The following TTC7B variants were observed in gnomAD, a reference collection of about 807,000 sequenced individuals.
TTC7B encodes tetratricopeptide repeat protein 7B.
TTC7B carries 28 observed loss-of-function variants against 106.8 expected under a neutral mutation model. That is an observed-to-expected ratio of 0.26 (90% confidence interval 0.19 to 0.36). The LOEUF (loss-of-function observed/expected upper bound fraction) is 0.36, where lower values mean the gene tolerates loss of function less well. Among genes scored for constraint, TTC7B ranks in the 10% least tolerant of loss-of-function variants. The pLI, the probability that TTC7B is intolerant of heterozygous loss-of-function variation, is 1.00. For missense variants in TTC7B, 862 were observed against 1,076.4 expected, an observed-to-expected ratio of 0.80 and a Z score of 2.79; for synonymous variants, 405 against 430.6, an observed-to-expected ratio of 0.94 and a Z score of 0.74.
chr14:90,683,990 G>A (rs942178413), intron 7 of TTC7B, among the ~76,000 whole-genome samples: 44 of 151,830 alleles, frequency 2.9e-4, no homozygotes, highest in Non-Finnish European at 2.8e-4. Context: ...TGCCTGGCTC[G>A]GGATGTTCTG....
intron 19 of TTC7B, among the ~76,000 whole-genome samples, chr14:90,557,331 C>T (rs577156028): frequency 2.6e-5 from 4 of 152,278 alleles, no homozygotes; most frequent in Admixed American, 6.5e-5. Flanking sequence ...CAGAGGGCCA[C>T]GCTCCCACCC....
rs1052486343 is a variant in TTC7B at position 90,578,398 on chromosome 14, C to T, written c.2108-90G>A. ...CACTCTGATGTTCGTGTTCCCTGCA[C>T]GGGAGTCTGGCGGGGCGCAGAGCCA... On this transcript the variant is annotated intron_variant, in intron 18 of 19. Coordinates refer to ENST00000328459, the MANE Select transcript of TTC7B (RefSeq NM_001010854.2). The surrounding 1 kb of genome is among the most constrained non-coding windows in gnomAD (Gnocchi z 4.7). The T allele has an allele frequency of 1.6e-5, 22 of 1,389,740 alleles. No individual in the cohort carries two copies. Among genetic ancestry groups the T allele is most frequent in the East Asian group, 1.2e-4 (5 of 42,026 alleles). The allele number at this position is 1,389,740 out of a possible 1,614,324, so 86.1% of individuals were successfully genotyped here.
intron 19 of TTC7B, among the ~76,000 whole-genome samples, chr14:90,546,560 C>A (rs1415391803): frequency 2.6e-5 from 4 of 152,200 alleles, no homozygotes; most frequent in Non-Finnish European, 5.9e-5. Context: ...AGCCCTTGTC[C>A]ATCTGCCTGA....
intron 15 of TTC7B, among the ~76,000 whole-genome samples, chr14:90,626,333 C>G (rs1296018093): frequency 6.6e-6 from 1 of 152,142 alleles, no homozygotes; most frequent in South Asian, 2.1e-4. Flanking sequence ...ATTAAGCCCC[C>G]AAAGGAAGGC....
intron 5 of TTC7B, among the ~76,000 whole-genome samples, chr14:90,707,646 G>C (rs1432893913): frequency 6.6e-6 from 1 of 152,152 alleles, no homozygotes; most frequent in Non-Finnish European, 1.5e-5. Flanking sequence ...GAGCCTTATT[G>C]CTGATAGGGA....
intron 18 of TTC7B, among the ~76,000 whole-genome samples, chr14:90,588,651 G>A (rs190006568): frequency 2.0e-5 from 3 of 152,256 alleles, no homozygotes; most frequent in Admixed American, 1.3e-4. Context: ...GACTGCAAAG[G>A]TGCTCACTTC....
At chr14:90,669,603 T>C (rs559625887) in intron 9 of TTC7B, among the ~76,000 whole-genome samples, 1 of 151,144 alleles carries the variant, frequency 6.6e-6, no homozygotes, top group Non-Finnish European at 1.5e-5. Flanking sequence ...ATTTAGACTT[T>C]AAAATTGGCA....
intron 1 of TTC7B, among the ~76,000 whole-genome samples, chr14:90,809,453 A>G (rs1490817814): frequency 6.6e-6 from 1 of 152,246 alleles, no homozygotes; most frequent in African/African-American, 2.4e-5. Context: ...GGCCCAATCA[A>G]GGAGGAAAAT....
At chr14:90,728,758 G>A (rs1415391583) in intron 5 of TTC7B, among the ~76,000 whole-genome samples, 1 of 152,174 alleles carries the variant, frequency 6.6e-6, no homozygotes, top group East Asian at 1.9e-4. Flanking sequence ...ACCTCCAGGG[G>A]GATTAATTCC....
At chr14:90,662,569 A>T (rs1448775457) in intron 9 of TTC7B, among the ~76,000 whole-genome samples, 1 of 152,228 alleles carries the variant, frequency 6.6e-6, no homozygotes, top group Non-Finnish European at 1.5e-5. Context: ...ACACAACCTG[A>T]ATGGCAGCTA....
chr14:90,640,731 C>G (rs1188813291), intron 15 of TTC7B, among the ~76,000 whole-genome samples: 1 of 152,158 alleles, frequency 6.6e-6, no homozygotes, highest in East Asian at 1.9e-4. Context: ...TACGTGATTA[C>G]CAGGTACAAT....
rs2139857387 is a variant in TTC7B at position 90,624,805 on chromosome 14, A to G, written c.1752-6760T>C. Among the ~76,000 whole-genome samples, 1 of 152,358 alleles carries G rather than the reference A, an allele frequency of 6.6e-6. No homozygotes were observed. Among genetic ancestry groups the G allele is most frequent in the Non-Finnish European group, 1.5e-5 (1 of 68,042 alleles). On this transcript the variant is annotated intron_variant, in intron 15 of 19. Coordinates refer to ENST00000328459, the MANE Select transcript of TTC7B (RefSeq NM_001010854.2). The surrounding 1 kb of genome is among the most constrained non-coding windows in gnomAD (Gnocchi z 4.0). ...GCTGCAGTCTTAGTAACTGCTTTAGAGGTAACATCACGGGAACCTTGAACA... is the reference window on the plus strand; with the variant it reads ...GCTGCAGTCTTAGTAACTGCTTTAGGGGTAACATCACGGGAACCTTGAACA...
chr14:90,654,844 C>G, intron 12 of TTC7B, 149 bp downstream of exon 12: 1 of 626,492 alleles, frequency 1.6e-6, no homozygotes, highest in Non-Finnish European at 2.8e-6. Context: ...AAGAGGACAG[C>G]AGCACCAGGG....
intron 15 of TTC7B, among the ~76,000 whole-genome samples, chr14:90,643,518 A>G (rs1244064375): frequency 6.6e-6 from 1 of 151,870 alleles, no homozygotes; most frequent in Non-Finnish European, 1.5e-5. Context: ...AAGTATTTTA[A>G]AAAAATAAGG....
chr14:90,738,782 T>C (rs1290829169), intron 4 of TTC7B, among the ~76,000 whole-genome samples: 1 of 152,180 alleles, frequency 6.6e-6, no homozygotes, highest in Non-Finnish European at 1.5e-5. Context: ...CAACAGCTTA[T>C]ACACAACAAT....
chr14:90,593,557 A>G lies in TTC7B; in HGVS notation c.2036T>C (p.Leu679Pro). 6.2e-7 allele frequency: 1 copy of G among 1,612,656 alleles called. No homozygotes were observed. The highest frequency in any genetic ancestry group is 8.5e-7 in the Non-Finnish European group (1 of 1,179,204). ...GCCCTGCTTAGGGGCACTGCTCTGC[A>G]GAGACGAAGCCACTTCCGACAGTGC... ...EQALSEVASS[L>P]QSSAPKQGPL... The change falls in exon 18 of 20, where the codon CTG becomes CCG. Residue 679 changes from leucine to proline, a missense_variant. Leu to Pro is a moderately conservative substitution (Grantham distance 98). Coordinates refer to ENST00000328459, the MANE Select transcript of TTC7B (RefSeq NM_001010854.2).
intron 4 of TTC7B, among the ~76,000 whole-genome samples, chr14:90,733,985 G>C (rs1889424103): frequency 6.6e-6 from 1 of 152,000 alleles, no homozygotes; most frequent in South Asian, 2.1e-4. Context: ...ATACATTATT[G>C]TACAAATAGT....
intron 19 of TTC7B, among the ~76,000 whole-genome samples, chr14:90,559,739 C>A (rs1395073977): frequency 6.6e-6 from 1 of 152,206 alleles, no homozygotes; most frequent in Non-Finnish European, 1.5e-5. Context: ...CGGGTACATC[C>A]TATATGCTGG....
chr14:90,671,386 T>C (rs926840984), intron 9 of TTC7B, among the ~76,000 whole-genome samples: 1 of 152,224 alleles, frequency 6.6e-6, no homozygotes, highest in Non-Finnish European at 1.5e-5. Context: ...TTCCTGTCTT[T>C]AAAGCTGCCT....
Sources: gnomAD v4.1 joint callset for allele counts (sites outside exome capture counted in the v4.1 genomes callset) on GRCh38, gnomAD v4.1.1 for gene constraint, Gnocchi (gnomAD v3.1) non-coding constraint, MANE v1.5 for transcripts, NCBI Gene and HGNC (gene_info 2026-07-23, HGNC 2026-07-21) for gene names.